The following ZNG1F variants were observed in gnomAD, a reference collection of about 807,000 sequenced individuals.
ZNG1F encodes the protein zinc-regulated GTPase metalloprotein activator 1F.
the ZNG1F span, chr9:41,183,706 G>A: frequency 1.9e-6 from 3 of 1,605,728 alleles, no homozygotes; most frequent in Non-Finnish European, 2.6e-6. Context: ...TTTAGCTTAT[G>A]TCCATTAGCC....
the ZNG1F span, among the ~76,000 whole-genome samples, chr9:41,141,265 A>T: frequency 6.6e-6 from 1 of 151,156 alleles, no homozygotes; most frequent in South Asian, 2.1e-4. Flanking sequence ...CACAACTCAT[A>T]GTTGGTTCTA....
chr9:41,166,338 A>G, the ZNG1F span, among the ~76,000 whole-genome samples: 1 of 122,248 alleles, frequency 8.2e-6, no homozygotes, highest in African/African-American at 3.2e-5. Context: ...CTGAGGCAGG[A>G]GAATCGCTTG....
chr9:41,199,536 CA>C, the ZNG1F span, among the ~76,000 whole-genome samples: 1 of 128,330 alleles, frequency 7.8e-6, no homozygotes, highest in Non-Finnish European at 1.7e-5. Flanking sequence ...GTTGCTTTCA[CA>C]GGCTGGCATT....
chr9:41,203,466 CTG>C, the ZNG1F span, among the ~76,000 whole-genome samples: 13,988 of 143,926 alleles, frequency 0.097, 11 homozygotes, highest in African/African-American at 0.22. Flanking sequence ...TCCTTTGTGA[CTG>C]TGTACAATTA....
the ZNG1F span, among the ~76,000 whole-genome samples, chr9:41,141,321 T>C: frequency 6.0e-5 from 9 of 150,202 alleles, no homozygotes; most frequent in East Asian, 1.8e-3. Context: ...CTCATCTACC[T>C]TCCCGCTCTC....
chr9:41,145,850 T>C, the ZNG1F span: 3 of 109,366 alleles, frequency 2.7e-5, no homozygotes, highest in Admixed American at 2.2e-4. Flanking sequence ...CAGTTACCAA[T>C]TGAGAGAAAA....
At chr9:41,203,287 C>T in the ZNG1F span, among the ~76,000 whole-genome samples, 3 of 152,190 alleles carry the variant, frequency 2.0e-5, no homozygotes, top group Non-Finnish European at 4.4e-5. Context: ...TCATCATACT[C>T]TAGCTCACAG....
the ZNG1F span, among the ~76,000 whole-genome samples, chr9:41,146,251 G>A: frequency 2.2e-5 from 3 of 133,512 alleles, no homozygotes; most frequent in Admixed American, 2.4e-4. Context: ...ACATTAAATA[G>A]CTACTTCAAG....
the ZNG1F span, among the ~76,000 whole-genome samples, chr9:41,185,659 G>A: frequency 1.3e-5 from 2 of 151,914 alleles, no homozygotes; most frequent in African/African-American, 2.4e-5. Context: ...GCAACAGAGA[G>A]AGACTCCATC....
the ZNG1F span, among the ~76,000 whole-genome samples, chr9:41,193,446 G>A: frequency 4.7e-5 from 6 of 128,482 alleles, no homozygotes; most frequent in Non-Finnish European, 3.5e-5. Flanking sequence ...CTCATGCTAA[G>A]CACCACAAAA....
the ZNG1F span, among the ~76,000 whole-genome samples, chr9:41,169,730 T>A: frequency 6.8e-6 from 1 of 147,102 alleles, no homozygotes; most frequent in Non-Finnish European, 1.5e-5. Context: ...TCTTAATTGT[T>A]CTTACCACCC....
the ZNG1F span, among the ~76,000 whole-genome samples, chr9:41,174,516 T>C: frequency 1.4e-5 from 2 of 140,604 alleles, no homozygotes; most frequent in East Asian, 2.1e-4. Flanking sequence ...CAAAAGGGAA[T>C]TATAGTGATA....
At chr9:41,180,168 C>CTTT in the ZNG1F span, among the ~76,000 whole-genome samples, 412 of 16,740 alleles carry the variant, frequency 0.025, no homozygotes, top group Non-Finnish European at 0.029. Flanking sequence ...ATAAACACAG[C>CTTT]TTTTTTTTTT....
chr9:41,198,436 T>G, the ZNG1F span, among the ~76,000 whole-genome samples: 2 of 151,732 alleles, frequency 1.3e-5, no homozygotes, highest in Non-Finnish European at 2.9e-5. Flanking sequence ...AAACTGTTAG[T>G]AAGCAGAATA....
the ZNG1F span, among the ~76,000 whole-genome samples, chr9:41,199,734 C>A: frequency 2.6e-5 from 4 of 152,028 alleles, no homozygotes; most frequent in African/African-American, 9.7e-5. Context: ...CATGAGGGAC[C>A]CACCCCTACA....
At chr9:41,191,097 T>C in the ZNG1F span, among the ~76,000 whole-genome samples, 1 of 132,608 alleles carries the variant, frequency 7.5e-6, no homozygotes, top group Non-Finnish European at 1.6e-5. Flanking sequence ...TTAGGCGTGG[T>C]GGTTCAGTTC....
chr9:41,183,618 T>A, the ZNG1F span: 1 of 1,602,606 alleles, frequency 6.2e-7, no homozygotes, highest in Non-Finnish European at 8.5e-7. Context: ...TTCATAGAGC[T>A]CTCCACCTTG....
At chr9:41,145,497 T>C in the ZNG1F span, 1 of 572,238 alleles carries the variant, frequency 1.7e-6, no homozygotes, top group South Asian at 2.1e-5. Flanking sequence ...AGAGAAAAGC[T>C]GGCAGATTAA....
At chr9:41,196,708 A>G in the ZNG1F span, among the ~76,000 whole-genome samples, 2 of 85,094 alleles carry the variant, frequency 2.4e-5, no homozygotes, top group African/African-American at 6.7e-5. Flanking sequence ...ATATATATAC[A>G]CACACATATA....
Sources: allele counts gnomAD v4.1 joint callset (sites outside exome capture counted in the v4.1 genomes callset), GRCh38; gene constraint gnomAD v4.1.1; transcripts MANE v1.5; gene names NCBI Gene and HGNC (gene_info 2026-07-23, HGNC 2026-07-21).